The following GRXCR2 variants were observed in gnomAD, a reference collection of about 807,000 sequenced individuals.
The protein encoded by GRXCR2 is glutaredoxin and cysteine rich domain containing 2.
GRXCR2 carries 23 observed loss-of-function variants against 24.8 expected under a neutral mutation model. That is an observed-to-expected ratio of 0.93 (90% confidence interval 0.67 to 1.32). The LOEUF (loss-of-function observed/expected upper bound fraction) is 1.32, where lower values mean the gene tolerates loss of function less well. Among genes scored for constraint, GRXCR2 ranks in the 40% most tolerant of loss-of-function variants. The pLI is 0.00. For missense variants in GRXCR2, 315 were observed against 303.4 expected (o/e 1.04, Z -0.28); for synonymous variants, 130 against 116.1 (o/e 1.12, Z -0.77).
chr5:145,894,017 C>T (rs542384147), intron 2 of GRXCR2, among the ~76,000 whole-genome samples: 1 of 152,310 alleles, frequency 6.6e-6, no homozygotes, highest in Non-Finnish European at 1.5e-5. Context: ...ACTGAACAAT[C>T]TGCTCCTGAA....
upstream of GRXCR2, among the ~76,000 whole-genome samples, chr5:145,875,726 A>G (rs1396373991): frequency 2.8e-4 from 43 of 152,164 alleles, no homozygotes; most frequent in Non-Finnish European, 5.9e-5. Flanking sequence ...ACTTTTCATA[A>G]CATTGTAACT....
rs368175587 is a variant in GRXCR2, at chr5:145,866,463, G to A, written c.564+38C>T. The A allele has an allele frequency of 2.8e-4, 417 of 1,486,908 alleles. 1 individual carries two copies. The highest frequency in any genetic ancestry group is 3.5e-4 in the Non-Finnish European group (372 of 1,069,670). The allele number at this position is 1,486,908 out of a possible 1,614,324, so 92.1% of individuals were successfully genotyped here. A position where few individuals can be genotyped will look rare whatever the true frequency, so the allele number is the denominator to read the frequency against. On this transcript the variant is annotated intron_variant, in intron 2 of 2. Coordinates refer to ENST00000377976, the MANE Select transcript of GRXCR2 (RefSeq NM_001080516.2). ...CCAGCTTGGAGACCATTGCTGTAGG[G>A]CCAGCTCCGAGCAGGACAGTCAAGC...
chr5:145,868,668 T>C (rs1756474344), intron 1 of GRXCR2, among the ~76,000 whole-genome samples: 1 of 152,154 alleles, frequency 6.6e-6, no homozygotes, highest in South Asian at 2.1e-4. Flanking sequence ...CTAGAGCTGA[T>C]TTTTTTCAAG....
intron 2 of GRXCR2, among the ~76,000 whole-genome samples, chr5:145,925,945 C>T (rs1056312387): frequency 1.4e-4 from 22 of 151,922 alleles, no homozygotes; most frequent in Admixed American, 1.1e-3. Flanking sequence ...CTGAATTTTG[C>T]AACTTTCTCA....
chr5:145,889,243 A>AGAAAGAAG (rs1408862997), intron 2 of GRXCR2, among the ~76,000 whole-genome samples: 7 of 147,584 alleles, frequency 4.7e-5, no homozygotes, highest in Non-Finnish European at 9.0e-5. Context: ...AAAGAAAGAA[A>AGAAAGAAG]GAATTATGCA....
At chr5:145,915,495 T>C (rs1289198005) in intron 2 of GRXCR2, among the ~76,000 whole-genome samples, 1 of 152,078 alleles carries the variant, frequency 6.6e-6, no homozygotes, top group East Asian at 1.9e-4. Context: ...GTTACAAACG[T>C]AGGCTCAGGC....
At chr5:145,878,108 T>G (rs1309545748) in intron 2 of GRXCR2, among the ~76,000 whole-genome samples, 1 of 152,118 alleles carries the variant, frequency 6.6e-6, no homozygotes, top group South Asian at 2.1e-4. Context: ...GCAGAAAAGC[T>G]GAAAATTCTA....
chr5:145,928,219 G>A (rs904018283), intron 2 of GRXCR2, among the ~76,000 whole-genome samples: 2 of 152,000 alleles, frequency 1.3e-5, no homozygotes, highest in Non-Finnish European at 2.9e-5. Context: ...TCTCACACCA[G>A]TTAGAATGGC....
intron 2 of GRXCR2, among the ~76,000 whole-genome samples, chr5:145,929,323 T>A (rs1757449019): frequency 6.6e-6 from 1 of 151,566 alleles, no homozygotes; most frequent in African/African-American, 2.4e-5. Flanking sequence ...GATACATATC[T>A]GTTATGTTAC....
rs1045468271 is a variant in GRXCR2 at position 145,923,256 on chromosome 5, G to A, written c.-70+12445C>T. The stretch of plus-strand genomic sequence containing the variant: ...ACTGTCTACTTTACATATAATAAGT[G>A]TCATACCCTGATATTGGCCTATAAT... On this transcript the variant is annotated intron_variant, in intron 2 of 3. Coordinates refer to the GRXCR2 transcript ENST00000639411. Among the ~76,000 whole-genome samples, 8 of 152,160 alleles carry A rather than the reference G, an allele frequency of 5.3e-5. No homozygotes were observed. In the South Asian group the frequency reaches 1.7e-3, roughly 32 times the overall value.
At chr5:145,919,097 A>C (rs1757283251) in intron 2 of GRXCR2, among the ~76,000 whole-genome samples, 1 of 152,140 alleles carries the variant, frequency 6.6e-6, no homozygotes, top group Non-Finnish European at 1.5e-5. Context: ...CAGACTCCTC[A>C]TTAGAGCTTG....
At chr5:145,908,890 G>C (rs1186011273) in intron 2 of GRXCR2, among the ~76,000 whole-genome samples, 2 of 152,198 alleles carry the variant, frequency 1.3e-5, no homozygotes, top group Non-Finnish European at 2.9e-5. Context: ...CAGGCACCGG[G>C]CTAGGTAACT....
At chr5:145,912,768 T>C (rs1741901297) in intron 2 of GRXCR2, among the ~76,000 whole-genome samples, 1 of 151,978 alleles carries the variant, frequency 6.6e-6, no homozygotes, top group African/African-American at 2.4e-5. Flanking sequence ...CCTTGTCAAC[T>C]GTAGGAAGGC....
intron 2 of GRXCR2, among the ~76,000 whole-genome samples, chr5:145,886,948 A>C (rs1421412751): frequency 6.6e-6 from 1 of 152,136 alleles, no homozygotes; most frequent in Non-Finnish European, 1.5e-5. Flanking sequence ...TTTCTGTTAG[A>C]AGTATTTGAT....
chr5:145,914,010 A>T (rs56673579), intron 2 of GRXCR2, among the ~76,000 whole-genome samples: 2,072 of 152,280 alleles, frequency 0.014, 58 homozygotes, highest in African/African-American at 0.047. Context: ...AGCAGAGGAG[A>T]TTTGTTACAA....
chr5:145,920,270 T>A (rs1757304538), intron 2 of GRXCR2, among the ~76,000 whole-genome samples: 2 of 152,148 alleles, frequency 1.3e-5, no homozygotes, highest in Non-Finnish European at 2.9e-5. Flanking sequence ...TGGTCCTGGA[T>A]CCACATCAGC....
rs1756341646 is a variant in GRXCR2 at position 145,861,663 on chromosome 5, G to A, written c.565-1748C>T. ...TTCCCAAACATCTAGTGCAGTGCCT[G>A]GCATGCTACTTATGTCAAATGAATA... On this transcript the variant is annotated intron_variant, in intron 2 of 2. Transcript: ENST00000377976. Among the ~76,000 whole-genome samples the A allele has an allele frequency of 5.9e-5, 9 of 152,094 alleles. No individual in the cohort carries two copies. In the South Asian group the frequency reaches 1.9e-3, roughly 32 times the overall value.
At chr5:145,880,075 C>T (rs1463512248) in intron 2 of GRXCR2, among the ~76,000 whole-genome samples, 4 of 152,064 alleles carry the variant, frequency 2.6e-5, no homozygotes, top group Admixed American at 2.6e-4. Context: ...GCACTAAATG[C>T]CCACAAGAGA....
At chr5:145,889,326 A>G (rs1756829549) in intron 2 of GRXCR2, among the ~76,000 whole-genome samples, 1 of 152,134 alleles carries the variant, frequency 6.6e-6, no homozygotes, top group African/African-American at 2.4e-5. Flanking sequence ...ATAGGGTACA[A>G]TGTATACTGC....
Sources: gnomAD v4.1 joint callset for allele counts (sites outside exome capture counted in the v4.1 genomes callset) on GRCh38, gnomAD v4.1.1 for gene constraint, MANE v1.5 for transcripts, NCBI Gene and HGNC (gene_info 2026-07-23, HGNC 2026-07-21) for gene names.